The following NRG3 variants were observed in gnomAD, a reference collection of about 807,000 sequenced individuals.
The protein encoded by NRG3 is pro-neuregulin-3, membrane-bound isoform.
In NRG3, 31 loss-of-function variants were observed where a neutral mutation model predicts 66.9. That is an observed-to-expected ratio of 0.46 (90% confidence interval 0.35 to 0.63). The LOEUF is 0.63. Among genes scored for constraint, NRG3 ranks in the 20% least tolerant of loss-of-function variants. The pLI is 0.00. For missense variants in NRG3, 910 were observed against 878.9 expected, an observed-to-expected ratio of 1.04 and a Z score of -0.45; for synonymous variants, 393 against 359.4, an observed-to-expected ratio of 1.09 and a Z score of -1.06.
intron 1 of NRG3, among the ~76,000 whole-genome samples, chr10:82,109,961 AT>A (rs2067289850): frequency 6.6e-6 from 1 of 152,128 alleles, no homozygotes; most frequent in Non-Finnish European, 1.5e-5. Context: ...TGATTCCTGA[AT>A]TTAACTAATT....
chr10:82,396,159 T>C (rs2086701637), intron 2 of NRG3, among the ~76,000 whole-genome samples: 1 of 152,182 alleles, frequency 6.6e-6, no homozygotes, highest in Admixed American at 6.5e-5. Context: ...GAGATTTTCA[T>C]GGTGTGAAAT....
intron 2 of NRG3, among the ~76,000 whole-genome samples, chr10:82,639,542 A>G (rs552292388): frequency 7.9e-5 from 12 of 152,338 alleles, no homozygotes; most frequent in South Asian, 6.2e-4. Context: ...CTGAATAAAG[A>G]CAATGGGATA....
chr10:82,456,026 C>CT, intron 2 of NRG3, among the ~76,000 whole-genome samples: 1 of 152,080 alleles, frequency 6.6e-6, no homozygotes, highest in South Asian at 2.1e-4. Flanking sequence ...CTTTTTGCCT[C>CT]TTGTAATAGC....
intron 2 of NRG3, among the ~76,000 whole-genome samples, chr10:82,392,895 TA>T (rs1564872111): frequency 4.5e-3 from 390 of 86,644 alleles, no homozygotes; most frequent in African/African-American, 0.023. Context: ...TATATATATA[TA>T]TATTTTTTGC....
chr10:82,042,615 A>T (rs919996240), intron 1 of NRG3, among the ~76,000 whole-genome samples: 2 of 152,106 alleles, frequency 1.3e-5, no homozygotes, highest in Admixed American at 1.3e-4. Context: ...TAATACATTT[A>T]GAATTGTCAA....
At position 81,895,119 on chromosome 10, in the gene NRG3, G is replaced by A. The variant is rs147234441; in HGVS notation, c.823+18956G>A. Among the ~76,000 whole-genome samples, 79 of 152,214 alleles carry A rather than the reference G, an allele frequency of 5.2e-4. 1 individual carries two copies. In the East Asian group the frequency reaches 0.011, roughly 20 times the overall value. On this transcript the variant is annotated intron_variant, in intron 1 of 8. Coordinates refer to ENST00000372141, the MANE Select transcript of NRG3 (RefSeq NM_001010848.4). ...GACTCAGCACTGCAACTATCTGCACGGGTTGGTCGGGCTACACATGCCTTT... is the reference window on the plus strand; with the variant it reads ...GACTCAGCACTGCAACTATCTGCACAGGTTGGTCGGGCTACACATGCCTTT...
chr10:82,221,010 A>G (rs1196546721), intron 1 of NRG3, among the ~76,000 whole-genome samples: 1 of 152,178 alleles, frequency 6.6e-6, no homozygotes. Context: ...ACAGTTGTTC[A>G]GGATCATTAG....
At chr10:82,443,763 AAAG>A (rs1226109619) in intron 2 of NRG3, among the ~76,000 whole-genome samples, 1 of 152,220 alleles carries the variant, frequency 6.6e-6, no homozygotes, top group African/African-American at 2.4e-5. Context: ...GGAAAGTTTT[AAAG>A]AAGAGGCAAT....
Position 82,951,480 on chromosome 10 carries a change from G to T in NRG3, c.1066G>T (p.Val356Phe). 1 of 1,613,776 alleles carries T rather than the reference G, an allele frequency of 6.2e-7. No homozygotes were observed. ...LGIEFMESEE[V>F]YQRQVLSISC... The stretch of plus-strand genomic sequence containing the variant: ...TTTCAAATTCACAGAGAGTGAAGAA[G>T]TTTATCAAAGGCAGGTGCTGTCAAT... The change falls in exon 5 of 9, where the codon GTT becomes TTT. Residue 356 changes from valine (V) to phenylalanine (F), a missense_variant. Coordinates refer to ENST00000372141, the MANE Select transcript of NRG3 (RefSeq NM_001010848.4).
At chr10:82,384,730 C>T (rs1012333875) in intron 2 of NRG3, among the ~76,000 whole-genome samples, 3 of 152,046 alleles carry the variant, frequency 2.0e-5, no homozygotes, top group African/African-American at 4.8e-5. Flanking sequence ...AGTAGTGATG[C>T]CATGAAAATA....
intron 2 of NRG3, among the ~76,000 whole-genome samples, chr10:82,460,819 G>A (rs903727949): frequency 6.6e-6 from 1 of 152,176 alleles, no homozygotes; most frequent in Admixed American, 6.5e-5. Context: ...ACCTCCCCAA[G>A]AAGAGCCCTC....
intron 1 of NRG3, among the ~76,000 whole-genome samples, chr10:82,310,807 C>T (rs1230637177): frequency 1.3e-5 from 2 of 152,086 alleles, no homozygotes; most frequent in Non-Finnish European, 2.9e-5. Flanking sequence ...CCCTCTCTTC[C>T]CTCTCTCCTC....
chr10:82,014,912 C>T (rs1386730295), intron 1 of NRG3, among the ~76,000 whole-genome samples: 1 of 152,102 alleles, frequency 6.6e-6, no homozygotes, highest in African/African-American at 2.4e-5. Flanking sequence ...AGAGATTTCC[C>T]ATTCTACAAT....
chr10:82,495,186 C>T (rs1001636885), intron 2 of NRG3, among the ~76,000 whole-genome samples: 15 of 152,192 alleles, frequency 9.9e-5, no homozygotes, highest in East Asian at 9.7e-4. Flanking sequence ...CTGCCCGTCT[C>T]GGCCTCCCAA....
In NRG3 at chr10:82,810,361, T is replaced by A. The variant is rs1231720370; in HGVS notation, c.1028-55050T>A. ...CAGTGGATCTCCAATGCTGTTTTTT[T>A]CTATGTGAATGTTTTTGAAGAGTTT... On this transcript the variant is annotated intron_variant, in intron 3 of 8. Coordinates refer to ENST00000372141, the MANE Select transcript of NRG3 (RefSeq NM_001010848.4). Among the ~76,000 whole-genome samples the A allele has an allele frequency of 2.0e-5, 3 of 152,180 alleles. No individual in the cohort carries two copies. The East Asian group carries it at 5.8e-4, about 29-fold the overall frequency.
chr10:81,925,442 A>C (rs1846671735), intron 1 of NRG3, among the ~76,000 whole-genome samples: 1 of 152,210 alleles, frequency 6.6e-6, no homozygotes, highest in Non-Finnish European at 1.5e-5. Flanking sequence ...TGGAAGCAAT[A>C]GATATGTATG....
intron 1 of NRG3, among the ~76,000 whole-genome samples, chr10:81,994,315 G>T (rs978587882): frequency 6.6e-6 from 1 of 151,848 alleles, no homozygotes; most frequent in African/African-American, 2.4e-5. Flanking sequence ...TAATAATGAA[G>T]TTTTCTATTT....
At chr10:82,960,351 T>C (rs778813596) in intron 6 of NRG3, among the ~76,000 whole-genome samples, 5 of 152,172 alleles carry the variant, frequency 3.3e-5, no homozygotes, top group Non-Finnish European at 7.4e-5. Flanking sequence ...CAACTGGTTA[T>C]GTCAAAGATA....
At chr10:82,774,792 C>A (rs978934442) in intron 3 of NRG3, among the ~76,000 whole-genome samples, 2 of 146,082 alleles carry the variant, frequency 1.4e-5, no homozygotes, top group African/African-American at 5.1e-5. Context: ...CCTTTTTATT[C>A]CCCAGTTTTA....
Sources: gnomAD v4.1 joint callset for allele counts (sites outside exome capture counted in the v4.1 genomes callset) on GRCh38, gnomAD v4.1.1 for gene constraint, MANE v1.5 for transcripts, NCBI Gene and HGNC (gene_info 2026-07-23, HGNC 2026-07-21) for gene names.